MIB1: variants seen among roughly 807,000 people sequenced by gnomAD.
The protein encoded by MIB1 is E3 ubiquitin-protein ligase MIB1.
A neutral mutation model predicts 124.5 loss-of-function variants in MIB1; 278 were observed. The observed-to-expected ratio is 2.23, with a 90% confidence interval of 2.02 to 2.47. The LOEUF is 2.47. Among genes scored for constraint, MIB1 ranks in the 30% most tolerant of loss-of-function variants. The pLI is 0.00. For synonymous variants in MIB1, 446 were observed against 429.4 expected (o/e 1.04, Z -0.48); for missense variants, 957 against 1,254.4 (o/e 0.76, Z 3.58).
intron 11 of MIB1, among the ~76,000 whole-genome samples, chr18:21,818,721 G>A (rs1006951695): frequency 6.6e-6 from 1 of 152,136 alleles, no homozygotes; most frequent in Non-Finnish European, 1.5e-5. Flanking sequence ...CAGATCACGA[G>A]GTCAGGAGTC....
At chr18:21,784,702 GAA>G (rs1391347198) in intron 6 of MIB1, among the ~76,000 whole-genome samples, 1 of 152,212 alleles carries the variant, frequency 6.6e-6, no homozygotes, top group Non-Finnish European at 1.5e-5. Flanking sequence ...GACCAGAAGA[GAA>G]GAGTGTGAGC....
At chr18:21,840,707 C>T (rs899715897) in intron 13 of MIB1, among the ~76,000 whole-genome samples, 1 of 146,916 alleles carries the variant, frequency 6.8e-6, no homozygotes, top group African/African-American at 2.5e-5. Flanking sequence ...TGGCATGTGC[C>T]TGTGTCCCAG....
At chr18:21,736,251 CTCCAGCAAAT>C (rs2040796558), upstream of MIB1, among the ~76,000 whole-genome samples, 1 of 152,206 alleles carries the variant, frequency 6.6e-6, no homozygotes, top group South Asian at 2.1e-4. Context: ...TGGAGTGGAC[CTCCAGCAAAT>C]GCCAGCAGAC....
chr18:21,807,275 A>G (rs1256651615), intron 10 of MIB1, among the ~76,000 whole-genome samples: 2 of 152,152 alleles, frequency 1.3e-5, no homozygotes. Flanking sequence ...TATTAAAAAT[A>G]TAAAACATTA....
chr18:21,844,011 G>A, intron 14 of MIB1, 81 bp from the exon 15 acceptor site: 1 of 1,395,966 alleles, frequency 7.2e-7, no homozygotes. Flanking sequence ...GGTCCAGGGT[G>A]TTCTCACCAT....
intron 12 of MIB1, among the ~76,000 whole-genome samples, chr18:21,836,477 C>T (rs929319789): frequency 6.6e-6 from 1 of 152,034 alleles, no homozygotes; most frequent in South Asian, 2.1e-4. Context: ...ATGTCTTCTG[C>T]GTCATCCCTC....
intron 1 of MIB1, among the ~76,000 whole-genome samples, chr18:21,720,449 A>G (rs1475079396): frequency 6.6e-6 from 1 of 152,182 alleles, no homozygotes; most frequent in Non-Finnish European, 1.5e-5. Flanking sequence ...AAAATTCTAT[A>G]GGTCAAACAA....
At chr18:21,728,989 G>A (rs972349022) in intron 1 of MIB1, among the ~76,000 whole-genome samples, 12 of 152,132 alleles carry the variant, frequency 7.9e-5, no homozygotes, top group East Asian at 3.8e-4. Context: ...AAAGAATGTC[G>A]TCAGTGTCCC....
intron 18 of MIB1, among the ~76,000 whole-genome samples, chr18:21,856,236 C>CAAAAAAA (rs5823315): frequency 0.02 from 2,411 of 122,644 alleles, 61 homozygotes; most frequent in African/African-American, 0.044. Flanking sequence ...GACTCCGTCT[C>CAAAAAAA]AAAAAAAAAA....
intron 13 of MIB1, among the ~76,000 whole-genome samples, chr18:21,840,897 A>G (rs1261255339): frequency 3.3e-5 from 5 of 151,990 alleles, no homozygotes; most frequent in African/African-American, 9.7e-5. Context: ...GAGGTGCACA[A>G]AGGTTTTTAG....
chr18:21,723,805 T>C (rs1416341416), intron 1 of MIB1, among the ~76,000 whole-genome samples: 1 of 152,156 alleles, frequency 6.6e-6, no homozygotes, highest in Non-Finnish European at 1.5e-5. Flanking sequence ...TGAGCCACTG[T>C]GCCCGGCTAT....
rs762042149 is a variant in MIB1 at position 21,791,454 on chromosome 18, C to T, written c.989C>T (p.Thr330Ile). ...GDAAQGAEGG[T>I]SQFQVGDLVQ... ...GCTGCTCAGGGTGCAGAAGGAGGCA[C>T]CTCGCAGTTTCAAGTGGGTGATCTT... is the stretch of plus-strand genomic sequence containing the variant. Residue 330 changes from threonine (T) to isoleucine (I), a missense_variant, in exon 7 of 21, where the codon ACC becomes ATC. By Grantham distance (89) the Thr-to-Ile change is moderately conservative (BLOSUM62 -1). Transcript: ENST00000261537. The T allele has an allele frequency of 2.7e-5, 43 of 1,613,902 alleles. No individual in the cohort carries two copies. The highest frequency in any genetic ancestry group is 3.6e-5 in the Non-Finnish European group (42 of 1,179,978).
chr18:21,834,957 C>G (rs1390661565), intron 12 of MIB1, among the ~76,000 whole-genome samples: 1 of 152,168 alleles, frequency 6.6e-6, no homozygotes, highest in East Asian at 1.9e-4. Flanking sequence ...GAACTCTGTA[C>G]TAGCTTTGCA....
At chr18:21,823,413 A>G (rs1006225738) in intron 12 of MIB1, among the ~76,000 whole-genome samples, 6 of 152,020 alleles carry the variant, frequency 3.9e-5, no homozygotes, top group Non-Finnish European at 5.9e-5. Context: ...AAAAAAAAAA[A>G]AAAGAAAGAA....
intron 7 of MIB1, among the ~76,000 whole-genome samples, chr18:21,797,124 G>A (rs1342646710): frequency 2.0e-5 from 3 of 152,096 alleles, no homozygotes; most frequent in African/African-American, 7.2e-5. Flanking sequence ...GTAACTTTGG[G>A]TGAGTTGATA....
chr18:21,790,526 T>C (rs566482500), intron 6 of MIB1, among the ~76,000 whole-genome samples: 1 of 152,156 alleles, frequency 6.6e-6, no homozygotes, highest in Non-Finnish European at 1.5e-5. Flanking sequence ...ATGCATTCTT[T>C]GAAAAAAAAG....
chr18:21,844,664 G>A (rs1238140276), intron 15 of MIB1, among the ~76,000 whole-genome samples: 1 of 152,138 alleles, frequency 6.6e-6, no homozygotes, highest in Non-Finnish European at 1.5e-5. Flanking sequence ...CCTGACCTCA[G>A]GTGATCCACC....
chr18:21,784,408 T>A (rs1469889645), intron 6 of MIB1, among the ~76,000 whole-genome samples: 1 of 152,152 alleles, frequency 6.6e-6, no homozygotes, highest in Non-Finnish European at 1.5e-5. Context: ...CCATGAAGCT[T>A]ACAAAAAACA....
At chr18:21,778,216 C>T (rs771060083) in intron 5 of MIB1, 47 bp downstream of exon 5, 132 of 1,277,514 alleles carry the variant, frequency 1.0e-4, no homozygotes, top group Non-Finnish European at 1.4e-4. Flanking sequence ...GGTCAGAGTT[C>T]GTGGAATCAG....
Sources: allele counts gnomAD v4.1 joint callset (sites outside exome capture counted in the v4.1 genomes callset), GRCh38; gene constraint gnomAD v4.1.1; transcripts MANE v1.5; gene names NCBI Gene and HGNC (gene_info 2026-07-23, HGNC 2026-07-21).